CCDC138: variants seen among roughly 807,000 people sequenced by gnomAD.
CCDC138 encodes the protein coiled-coil domain containing 138.
A neutral mutation model predicts 82.3 loss-of-function variants in CCDC138; 66 were observed. The observed-to-expected ratio is 0.80, with a 90% CI of 0.66 to 0.98. The LOEUF (loss-of-function observed/expected upper bound fraction) is 0.98, where lower values mean the gene tolerates loss of function less well. CCDC138 is among the 50% of genes least tolerant of loss of function. The pLI is 0.00. For synonymous variants in CCDC138, 297 were observed against 265.4 expected, an observed-to-expected ratio of 1.12 and a Z score of -1.16; for missense variants, 816 against 758.9, an observed-to-expected ratio of 1.08 and a Z score of -0.88.
intron 13 of CCDC138, among the ~76,000 whole-genome samples, 162 bp downstream of exon 13, chr2:108,857,132 G>A (rs1302807015): frequency 3.4e-5 from 4 of 117,706 alleles, no homozygotes; most frequent in African/African-American, 1.3e-4. Flanking sequence ...AAGCTGGAGT[G>A]CAGTGGCACG....
At chr2:108,795,622 T>C (rs1011785796) in intron 5 of CCDC138, among the ~76,000 whole-genome samples, 1 of 152,246 alleles carries the variant, frequency 6.6e-6, no homozygotes, top group African/African-American at 2.4e-5. Flanking sequence ...ATTCAGATTG[T>C]AATTACCATA....
chr2:108,832,204 A>G (rs1216215844), intron 10 of CCDC138, among the ~76,000 whole-genome samples: 1 of 148,382 alleles, frequency 6.7e-6, no homozygotes. Context: ...TAATTTTTAT[A>G]TTAGTAGAGA....
chr2:108,813,260 A>AG (rs1684206527), intron 9 of CCDC138, among the ~76,000 whole-genome samples: 1 of 150,272 alleles, frequency 6.7e-6, no homozygotes, highest in South Asian at 2.1e-4. Context: ...AAAAAAAAAA[A>AG]AAAAAAAAAA....
At chr2:108,821,734 C>T (rs1685737211) in intron 10 of CCDC138, among the ~76,000 whole-genome samples, 1 of 151,920 alleles carries the variant, frequency 6.6e-6, no homozygotes, top group Admixed American at 6.6e-5. Context: ...TATCTGAGGT[C>T]AGAAGTTCAA....
intron 10 of CCDC138, among the ~76,000 whole-genome samples, chr2:108,831,089 C>G (rs1007184753): frequency 6.6e-6 from 1 of 151,954 alleles, no homozygotes; most frequent in Non-Finnish European, 1.5e-5. Context: ...GCACCAGAAT[C>G]GCTTAAACCC....
intron 13 of CCDC138, among the ~76,000 whole-genome samples, chr2:108,864,793 C>CAAA (rs148029306): frequency 4.0e-5 from 5 of 125,028 alleles, no homozygotes; most frequent in South Asian, 2.6e-4. Flanking sequence ...GACTCCATCT[C>CAAA]AAAAAAAAAA....
At chr2:108,818,265 C>G (rs1685115510) in intron 10 of CCDC138, among the ~76,000 whole-genome samples, 1 of 152,068 alleles carries the variant, frequency 6.6e-6, no homozygotes, top group Non-Finnish European at 1.5e-5. Context: ...CGTGATTGTA[C>G]CACTGTACTC....
intron 10 of CCDC138, among the ~76,000 whole-genome samples, chr2:108,836,779 C>G (rs964237350): frequency 3.9e-5 from 6 of 151,982 alleles, no homozygotes; most frequent in African/African-American, 1.5e-4. Flanking sequence ...TTTTTACCTC[C>G]TTGCTTAGAT....
intron 3 of CCDC138, among the ~76,000 whole-genome samples, chr2:108,790,807 A>G (rs1679785509): frequency 6.6e-6 from 1 of 152,202 alleles, no homozygotes; most frequent in South Asian, 2.1e-4. Context: ...CTGTGAGTGC[A>G]GTAGCATAAT....
chr2:108,787,107 G>T (rs1279901637), intron 1 of CCDC138, among the ~76,000 whole-genome samples, 192 bp downstream of exon 1: 2 of 152,174 alleles, frequency 1.3e-5, no homozygotes, highest in Non-Finnish European at 2.9e-5. Context: ...GTGCGGGGGT[G>T]CCGCTTCACC....
At chr2:108,846,081 A>G (rs574559631) in intron 11 of CCDC138, among the ~76,000 whole-genome samples, 1 of 152,210 alleles carries the variant, frequency 6.6e-6, no homozygotes, top group South Asian at 2.1e-4. Context: ...AGCTGAAGGG[A>G]CTGAGGCTCT....
intron 12 of CCDC138, among the ~76,000 whole-genome samples, chr2:108,852,737 C>T (rs1691721100): frequency 6.6e-6 from 1 of 152,060 alleles, no homozygotes; most frequent in South Asian, 2.1e-4. Context: ...ACAACACACA[C>T]TGGGGCCTAT....
intron 13 of CCDC138, among the ~76,000 whole-genome samples, chr2:108,870,436 A>G (rs1348724528): frequency 6.6e-6 from 1 of 152,250 alleles, no homozygotes; most frequent in Non-Finnish European, 1.5e-5. Flanking sequence ...GGGTGGAAAG[A>G]TAATTTAGAG....
intron 7 of CCDC138, among the ~76,000 whole-genome samples, chr2:108,809,275 C>T (rs1433741437): frequency 2.0e-5 from 3 of 152,130 alleles, no homozygotes; most frequent in African/African-American, 7.2e-5. Flanking sequence ...GTTGTTTTCG[C>T]ACAGGATCGC....
At chr2:108,860,699 T>C (rs1010247019) in intron 13 of CCDC138, among the ~76,000 whole-genome samples, 4 of 152,072 alleles carry the variant, frequency 2.6e-5, no homozygotes, top group African/African-American at 9.7e-5. Flanking sequence ...CTAGGTTCCG[T>C]TTGCCAGTAT....
intron 13 of CCDC138, among the ~76,000 whole-genome samples, chr2:108,861,724 G>A (rs140500494): frequency 0.02 from 3,101 of 151,966 alleles, 104 homozygotes; most frequent in African/African-American, 0.071. Flanking sequence ...CCAGTGATCC[G>A]CCCACCTCTT....
At chr2:108,803,162 TA>T (rs1412673287) in intron 6 of CCDC138, among the ~76,000 whole-genome samples, 1 of 152,186 alleles carries the variant, frequency 6.6e-6, no homozygotes, top group Non-Finnish European at 1.5e-5. Context: ...AGCCAAGACT[TA>T]GGTAATAGTT....
intron 13 of CCDC138, among the ~76,000 whole-genome samples, chr2:108,861,784 A>T (rs1693657903): frequency 6.6e-6 from 1 of 151,722 alleles, no homozygotes; most frequent in African/African-American, 2.4e-5. Flanking sequence ...CCCGGCCTAA[A>T]CCTCGGCCTC....
chr2:108,790,422 T>C (rs1679717285), intron 3 of CCDC138, among the ~76,000 whole-genome samples: 1 of 152,246 alleles, frequency 6.6e-6, no homozygotes, highest in Non-Finnish European at 1.5e-5. Context: ...TCTGAAACTA[T>C]GCTGTCCAGC....
Sources: gnomAD v4.1 joint callset for allele counts (sites outside exome capture counted in the v4.1 genomes callset) on GRCh38, gnomAD v4.1.1 for gene constraint, MANE v1.5 for transcripts, NCBI Gene and HGNC (gene_info 2026-07-23, HGNC 2026-07-21) for gene names.